Variants in KDM1B observed in about 807,000 individuals in gnomAD.
KDM1B encodes the protein lysine demethylase 1B.
In KDM1B, 63 loss-of-function variants were observed where a neutral mutation model predicts 107.4. The observed-to-expected ratio is 0.59, with a 90% confidence interval of 0.48 to 0.72. The LOEUF (loss-of-function observed/expected upper bound fraction) is 0.72. KDM1B is among the 30% of genes least tolerant of loss of function. The pLI, the probability that KDM1B is intolerant of heterozygous loss-of-function variation, is 0.00. For missense variants in KDM1B, 749 were observed against 1,020.8 expected, an observed-to-expected ratio of 0.73 and a Z score of 3.63; for synonymous variants, 363 against 363.9, an observed-to-expected ratio of 1.00 and a Z score of 0.03.
Position 18,201,246 on chromosome 6 carries a change from A to G in KDM1B, c.1360-240A>G, listed in dbSNP as rs945145521. ...CATTAGCCAAAAAGTTACAATGGGC[A>G]TGGCGTAGGAGCTGTTGCTGCCCCT... On this transcript the variant is annotated intron_variant, in intron 13 of 21. Coordinates refer to ENST00000650836, the MANE Select transcript of KDM1B (RefSeq NM_001364614.2). This position sits in a 1 kb window ranked among gnomAD's most constrained non-coding sequence, Gnocchi z 4.3. Among the ~76,000 whole-genome samples the G allele has an allele frequency of 3.3e-5, 5 of 152,216 alleles. No individual in the cohort carries two copies. The highest frequency in any genetic ancestry group is 1.2e-4 in the African/African-American group (5 of 41,448).
At chr6:18,179,882 A>G (rs1158079056) in intron 7 of KDM1B, among the ~76,000 whole-genome samples, 2 of 114,050 alleles carry the variant, frequency 1.8e-5, no homozygotes, top group South Asian at 5.8e-4. Flanking sequence ...TTTTTTTCAT[A>G]AGGCAGGGTC....
At position 18,187,829 on chromosome 6, in the gene KDM1B, T is replaced by C. The variant is rs1471652199; in HGVS notation, c.611T>C (p.Met204Thr). The C allele has an allele frequency of 6.4e-7, 1 of 1,550,496 alleles. No homozygotes were observed. The highest frequency in any genetic ancestry group is 2.0e-5 in the Admixed American group (1 of 50,992). ...LEVSNHWWYS[M>T]LILPPLLKDS... Reference sequence around the variant, plus strand: ...GTTTCCAACCATTGGTGGTACTCTATGCTCATCCTACCTCCTTTGCTGAAA... The same window carrying C: ...GTTTCCAACCATTGGTGGTACTCTACGCTCATCCTACCTCCTTTGCTGAAA... Residue 204 changes from methionine (M) to threonine (T), a missense_variant, in exon 9 of 22, where the codon ATG (methionine) becomes ACG (threonine). Physicochemically the swap from Met to Thr is moderately conservative, Grantham distance 81 (BLOSUM62 -1). Coordinates refer to ENST00000650836, the MANE Select transcript of KDM1B (RefSeq NM_001364614.2).
intron 5 of KDM1B, among the ~76,000 whole-genome samples, chr6:18,165,271 C>T (rs13218931): frequency 0.56 from 84,370 of 150,770 alleles, 23,654 homozygotes; most frequent in African/African-American, 0.62. Flanking sequence ...GCTGGGACTA[C>T]AGGCACCCGC....
intron 7 of KDM1B, among the ~76,000 whole-genome samples, chr6:18,184,818 C>G (rs1421212490): frequency 1.5e-5 from 2 of 133,142 alleles, no homozygotes; most frequent in African/African-American, 2.7e-5. Flanking sequence ...TCACTGCAGC[C>G]TCAACCTCCT....
intron 7 of KDM1B, among the ~76,000 whole-genome samples, chr6:18,181,887 CT>C (rs1786507542): frequency 6.6e-6 from 1 of 152,124 alleles, no homozygotes; most frequent in Non-Finnish European, 1.5e-5. Flanking sequence ...TCCTTTTCTT[CT>C]CTCCCAGTTT....
At chr6:18,179,728 T>C (rs1171110999) in intron 7 of KDM1B, among the ~76,000 whole-genome samples, 1 of 152,066 alleles carries the variant, frequency 6.6e-6, no homozygotes, top group Non-Finnish European at 1.5e-5. Flanking sequence ...TCCTTTCTTT[T>C]ATTCTTGATG....
intron 7 of KDM1B, among the ~76,000 whole-genome samples, chr6:18,173,927 A>G (rs1219946338): frequency 2.0e-5 from 3 of 152,116 alleles, no homozygotes; most frequent in Non-Finnish European, 4.4e-5. Flanking sequence ...CTGGGACTAC[A>G]GGCACACACC....
rs572080353 is a variant in KDM1B at position 18,219,016 on chromosome 6, C to T, written c.2385+1131C>T. ...CTCCTGGGTTCACACCATTCTCCTG[C>T]CTCAGCCTCCCGAATAGCTGGGACC... On this transcript the variant is annotated intron_variant, in intron 21 of 21. Coordinates refer to ENST00000650836, the MANE Select transcript of KDM1B (RefSeq NM_001364614.2). Among the ~76,000 whole-genome samples, 5 of 152,280 alleles carry T rather than the reference C, an allele frequency of 3.3e-5. No homozygotes were observed. In the East Asian group the frequency reaches 9.6e-4, roughly 29 times the overall value.
Position 18,191,219 on chromosome 6 carries a change from C to G in KDM1B, c.807C>G (p.Phe269Leu). ...CAGTTCCAGGCATGAACCGATACTT[C>G]CAGCCTTTCTACCAGCCCAATGAGT... ...SVHVPGMNRYFQPFYQPNECG... is the reference protein window; with the variant it reads ...SVHVPGMNRYLQPFYQPNECG... The change falls in exon 10 of 22, where the codon TTC becomes TTG. Residue 269 changes from phenylalanine to leucine, a missense_variant. Transcript: ENST00000650836. This position sits in a 1 kb window ranked among gnomAD's most constrained non-coding sequence, Gnocchi z 5.1. The G allele has an allele frequency of 1.3e-6, 2 of 1,550,584 alleles. No individual in the cohort carries two copies. Among genetic ancestry groups the G allele is most frequent in the Non-Finnish European group, 8.7e-7 (1 of 1,147,008 alleles).
At chr6:18,164,897 T>A (rs1785196755) in intron 5 of KDM1B, among the ~76,000 whole-genome samples, 1 of 152,026 alleles carries the variant, frequency 6.6e-6, no homozygotes, top group Non-Finnish European at 1.5e-5. Context: ...CCTCCCACCT[T>A]GTCCTCCCAA....
chr6:18,176,119 A>G (rs140687671), intron 7 of KDM1B, among the ~76,000 whole-genome samples: 15 of 152,200 alleles, frequency 9.9e-5, no homozygotes, highest in South Asian at 2.1e-4. Context: ...TGTGTTGTCT[A>G]TGATTTCTTC....
At chr6:18,193,400 A>C (rs1221413561) in intron 10 of KDM1B, among the ~76,000 whole-genome samples, 3 of 138,276 alleles carry the variant, frequency 2.2e-5, no homozygotes, top group Non-Finnish European at 4.5e-5. Flanking sequence ...TCGCCTTCCC[A>C]GTCTCAGGTG....
chr6:18,183,954 G>A (rs760853818), intron 7 of KDM1B, among the ~76,000 whole-genome samples: 7 of 151,958 alleles, frequency 4.6e-5, no homozygotes, highest in Non-Finnish European at 7.4e-5. Flanking sequence ...GAACTGCTAG[G>A]CCATATGGTC....
chr6:18,189,311 G>A (rs979849594), intron 9 of KDM1B, among the ~76,000 whole-genome samples: 1 of 152,108 alleles, frequency 6.6e-6, no homozygotes, highest in African/African-American at 2.4e-5. Flanking sequence ...TAATTCCCAG[G>A]GTTAATGAAG....
Position 18,187,979 on chromosome 6 carries a change from C to G in KDM1B, c.761C>G (p.Ser254Cys). 6.4e-7 allele frequency: 1 copy of G among 1,550,500 alleles called. No individual in the cohort carries two copies. Among genetic ancestry groups the G allele is most frequent in the Non-Finnish European group, 8.7e-7 (1 of 1,146,990 alleles). The change falls in exon 9 of 22, where the codon TCC (serine) becomes TGC (cysteine). Residue 254 changes from serine to cysteine, a missense_variant. Transcript: ENST00000650836. ...GCCAGCCCTGGGAAGCTGGAGCACT[C>G]CAAGGCTGCCCTCTCCGTGCACGGT... Reference protein sequence around the residue: ...GNASPGKLEHSKAALSVHVPG... With the variant: ...GNASPGKLEHCKAALSVHVPG...
At chr6:18,179,743 T>G (rs1431493053) in intron 7 of KDM1B, among the ~76,000 whole-genome samples, 1 of 151,370 alleles carries the variant, frequency 6.6e-6, no homozygotes, top group Non-Finnish European at 1.5e-5. Flanking sequence ...TTGATGTTGG[T>G]GATTTGAGAG....
At chr6:18,188,696 C>T (rs1787054246) in intron 9 of KDM1B, among the ~76,000 whole-genome samples, 1 of 152,140 alleles carries the variant, frequency 6.6e-6, no homozygotes. Context: ...TCACTGCATC[C>T]TCCAGCTCCT....
In KDM1B at chr6:18,186,840, T is replaced by G. The variant is rs1391911605; in HGVS notation, c.574-952T>G. ...ATCACAAGAACAGCATGAGGGTAAC[T>G]GCCCCTGTGGTTTAATTACCTCCTA... On this transcript the variant is annotated intron_variant, in intron 8 of 21. Coordinates refer to ENST00000650836, the MANE Select transcript of KDM1B (RefSeq NM_001364614.2). This position sits in a 1 kb window ranked among gnomAD's most constrained non-coding sequence, Gnocchi z 5.6. Among the ~76,000 whole-genome samples the G allele has an allele frequency of 6.6e-6, 1 of 152,128 alleles. No homozygotes were observed. Among genetic ancestry groups the G allele is most frequent in the East Asian group, 1.9e-4 (1 of 5,184 alleles).
rs1037223558 is a variant in KDM1B, at chr6:18,155,463, G to A, written c.-166G>A. 2.5e-5 allele frequency: 4 copies of A among 159,226 alleles called. No homozygotes were observed. Among genetic ancestry groups the A allele is most frequent in the Non-Finnish European group, 5.4e-5 (4 of 73,630 alleles). The allele number at this position is 159,226 out of a possible 1,614,324, so 9.9% of individuals were successfully genotyped here. A position where few individuals can be genotyped will look rare whatever the true frequency, so the allele number is the denominator to read the frequency against. ...CGGCGGCGGCGGCGGCGGCCGAGAA[G>A]AGGCTGGGGCTCGCGGCGCGGCTGC... On this transcript the variant is annotated 5_prime_UTR_variant, in exon 1 of 22. Coordinates refer to ENST00000650836, the MANE Select transcript of KDM1B (RefSeq NM_001364614.2). This position sits in a 1 kb window ranked among gnomAD's most constrained non-coding sequence, Gnocchi z 6.2.
Sources: gnomAD v4.1 joint callset for allele counts (sites outside exome capture counted in the v4.1 genomes callset) on GRCh38, gnomAD v4.1.1 for gene constraint, Gnocchi (gnomAD v3.1) non-coding constraint, MANE v1.5 for transcripts, NCBI Gene and HGNC (gene_info 2026-07-23, HGNC 2026-07-21) for gene names.